Variants in PODXL observed in about 807,000 individuals in gnomAD.
PODXL encodes podocalyxin like, also known as podocalyxin.
Under a neutral mutation model 48.9 loss-of-function variants are expected in PODXL, and 20 were observed. The observed-to-expected ratio is 0.41, with a 90% CI of 0.29 to 0.59. The LOEUF (loss-of-function observed/expected upper bound fraction) is 0.59, where lower values mean the gene tolerates loss of function less well. PODXL is among the 20% of genes least tolerant of loss of function. PODXL has a pLI of 0.31. For synonymous variants in PODXL, 295 were observed against 287.4 expected (o/e 1.03, Z -0.27); for missense variants, 606 against 675.1 (o/e 0.90, Z 1.13).
chr7:131,518,890 A>G (rs865954910), intron 1 of PODXL, among the ~76,000 whole-genome samples: 2 of 152,184 alleles, frequency 1.3e-5, no homozygotes, highest in South Asian at 4.1e-4. Flanking sequence ...TGAAGGGGTC[A>G]TCTTGCCCAT....
At chr7:131,512,994 CAAAA>C (rs60701480) in intron 1 of PODXL, among the ~76,000 whole-genome samples, 1 of 95,816 alleles carries the variant, frequency 1.0e-5, no homozygotes, top group South Asian at 4.1e-4. Flanking sequence ...GACTCCGTCT[CAAAA>C]AAAAAAAAAA....
rs200904575 is a variant in PODXL at position 131,511,318 on chromosome 7, G to A, written c.216C>T (p.Asn72=). 31 of 1,613,680 alleles carry A rather than the reference G, an allele frequency of 1.9e-5. No individual in the cohort carries two copies. Among genetic ancestry groups the A allele is most frequent in the Middle Eastern group, 3.3e-4 (2 of 6,062 alleles). The part of the protein sequence containing the change: ...QQSTVPTSKA[N]EILASVKATT... ...TCGCCTTGACCGAGGCCAAGATTTC[G>A]TTGGCCTTGGAAGTGGGGACTGTGC... Residue 72 remains asparagine, a synonymous_variant, in exon 2 of 9, where the codon AAC becomes AAT. Coordinates refer to ENST00000378555, the MANE Select transcript of PODXL (RefSeq NM_001018111.3).
At chr7:131,551,915 T>C (rs1279448059) in intron 1 of PODXL, among the ~76,000 whole-genome samples, 2 of 137,484 alleles carry the variant, frequency 1.5e-5, no homozygotes, top group Non-Finnish European at 3.1e-5. Flanking sequence ...CCAGCCTGGG[T>C]GACAGAACGA....
rs776381082 is a variant in PODXL, at chr7:131,506,662, T to A, written c.1166A>T (p.Asn389Ile). 1 of 1,614,028 alleles carries A rather than the reference T, an allele frequency of 6.2e-7. No individual in the cohort carries two copies. Among genetic ancestry groups the A allele is most frequent in the African/African-American group, 1.3e-5 (1 of 74,918 alleles). The change falls in exon 6 of 9, where the codon AAC becomes ATC. Residue 389 changes from asparagine to isoleucine, a missense_variant. By Grantham distance (149) the Asn-to-Ile change is moderately radical. Coordinates refer to ENST00000378555, the MANE Select transcript of PODXL (RefSeq NM_001018111.3). ...TATGCCGCACTTATCTTGGGCCGGG[T>A]TGAAGGTGGCTTTGACTGCTCGGCA... is the stretch of plus-strand genomic sequence containing the variant. ...LICRAVKATF[N>I]PAQDKCGIRL...
At chr7:131,533,271 G>A (rs1798313230) in intron 1 of PODXL, among the ~76,000 whole-genome samples, 1 of 152,192 alleles carries the variant, frequency 6.6e-6, no homozygotes, top group Admixed American at 6.5e-5. Flanking sequence ...CCTGGCAGCT[G>A]TGAGACTTGG....
intron 3 of PODXL, among the ~76,000 whole-genome samples, chr7:131,509,984 G>A (rs917660305): frequency 3.3e-5 from 5 of 152,156 alleles, no homozygotes; most frequent in African/African-American, 4.8e-5. Context: ...GCCGGAGCCC[G>A]CACTCCTACT....
Position 131,551,290 on chromosome 7 carries a change from G to C in PODXL, c.100+4970C>G, listed in dbSNP as rs113345160. 4.5e-3 allele frequency among the ~76,000 whole-genome samples: 683 copies of C among 152,072 alleles called. 3 individuals carry two copies. Among genetic ancestry groups the C allele is most frequent in the African/African-American group, 0.016 (646 of 41,470 alleles). On this transcript the variant is annotated intron_variant, in intron 1 of 8. Coordinates refer to ENST00000378555, the MANE Select transcript of PODXL (RefSeq NM_001018111.3). The stretch of plus-strand genomic sequence containing the variant: ...CAACTTAGCCCATGTTCCTGGGTCC[G>C]GGACAGGAAACCCCACCAGCTGAGC...
At chr7:131,554,985 C>T (rs12667410) in intron 1 of PODXL, among the ~76,000 whole-genome samples, 37,651 of 152,080 alleles carry the variant, frequency 0.25, 5,128 homozygotes, top group Admixed American at 0.39. Context: ...TTCTTCCCCC[C>T]GCCGGGACCT....
At chr7:131,519,279 T>A (rs1339584128) in intron 1 of PODXL, among the ~76,000 whole-genome samples, 2 of 152,170 alleles carry the variant, frequency 1.3e-5, no homozygotes, top group African/African-American at 4.8e-5. Flanking sequence ...TTTTCACTCC[T>A]CATTCAGCTG....
chr7:131,530,930 TG>T (rs1302471036), intron 1 of PODXL, among the ~76,000 whole-genome samples: 1 of 151,948 alleles, frequency 6.6e-6, no homozygotes, highest in Non-Finnish European at 1.5e-5. Flanking sequence ...TGGTGGCACA[TG>T]CCTCTAATCC....
chr7:131,541,470 G>A (rs921889691), intron 1 of PODXL, among the ~76,000 whole-genome samples: 9 of 152,034 alleles, frequency 5.9e-5, no homozygotes, highest in Non-Finnish European at 1.3e-4. Context: ...GGTGGATCAC[G>A]AGGTCAGGAG....
Position 131,504,509 on chromosome 7 carries a change from C to T in PODXL, c.1480-1G>A, listed in dbSNP as rs761466197. 4 of 1,614,076 alleles carry T rather than the reference C, an allele frequency of 2.5e-6. No homozygotes were observed. In the Admixed American group the frequency reaches 6.7e-5, roughly 27 times the overall value. ...TCTGCAGCTCCTCTGTTAGCCGCTG[C>T]TAGAGTGGGGAAGGTGACCGGTGAG... On this transcript the variant is annotated splice_acceptor_variant, in intron 8 of 8. Coordinates refer to ENST00000378555, the MANE Select transcript of PODXL (RefSeq NM_001018111.3). LOFTEE classifies it high-confidence loss of function.
At chr7:131,509,314 C>A (rs1797868634) in intron 4 of PODXL, 51 bp downstream of exon 4, 1 of 1,428,202 alleles carries the variant, frequency 7.0e-7, no homozygotes, top group South Asian at 1.1e-5. Context: ...CTTAAAGCCT[C>A]TTCTACCCGA....
chr7:131,544,042 G>C (rs1798524715), intron 1 of PODXL, among the ~76,000 whole-genome samples: 1 of 152,174 alleles, frequency 6.6e-6, no homozygotes, highest in Non-Finnish European at 1.5e-5. Flanking sequence ...AGAGCCACTG[G>C]GCCAGCTCCT....
intron 1 of PODXL, among the ~76,000 whole-genome samples, chr7:131,533,508 G>C (rs941396958): frequency 6.6e-6 from 1 of 151,880 alleles, no homozygotes; most frequent in Non-Finnish European, 1.5e-5. Context: ...GGGCAGGAGA[G>C]GGCTGCCACT....
chr7:131,546,515 C>T (rs1584832477), intron 1 of PODXL, among the ~76,000 whole-genome samples: 2 of 151,946 alleles, frequency 1.3e-5, no homozygotes, highest in African/African-American at 2.4e-5. Flanking sequence ...CACTTGAGGC[C>T]GGGAATTCAA....
chr7:131,506,473 G>A (rs900413410), intron 6 of PODXL, 106 bp downstream of exon 6: 19 of 1,424,902 alleles, frequency 1.3e-5, no homozygotes, highest in Non-Finnish European at 1.7e-5. Flanking sequence ...CAGTTCTTAG[G>A]GAACTGAAGG....
chr7:131,513,933 C>A (rs117122654), intron 1 of PODXL, among the ~76,000 whole-genome samples: 1 of 152,260 alleles, frequency 6.6e-6, no homozygotes, highest in Middle Eastern at 3.4e-3. Flanking sequence ...GGTTGTCAGG[C>A]CTTACTGGGG....
At chr7:131,532,446 A>T (rs941661225) in intron 1 of PODXL, among the ~76,000 whole-genome samples, 3 of 148,754 alleles carry the variant, frequency 2.0e-5, no homozygotes, top group African/African-American at 4.9e-5. Flanking sequence ...AAAAAAAAAA[A>T]AAAAATTAAA....
Sources: gnomAD v4.1 joint callset for allele counts (sites outside exome capture counted in the v4.1 genomes callset) on GRCh38, gnomAD v4.1.1 for gene constraint, MANE v1.5 for transcripts, NCBI Gene and HGNC (gene_info 2026-07-23, HGNC 2026-07-21) for gene names.